Variants in SLC25A21 observed in about 807,000 individuals in gnomAD.
The protein encoded by SLC25A21 is mitochondrial 2-oxodicarboxylate carrier.
SLC25A21 carries 47 observed loss-of-function variants against 43.8 expected under a neutral mutation model. The ratio of observed to expected loss-of-function variants is 1.07; its 90% CI spans 0.85 to 1.37. SLC25A21 has a LOEUF of 1.37. SLC25A21 is among the 40% of genes most tolerant of loss of function. The probability of loss-of-function intolerance (pLI) is 0.00; values close to 1 mark genes in which losing one functional copy is unlikely to be tolerated. For missense variants in SLC25A21, 352 were observed against 350.2 expected, an observed-to-expected ratio of 1.00 and a Z score of -0.04; for synonymous variants, 131 against 121.3, an observed-to-expected ratio of 1.08 and a Z score of -0.52.
intron 1 of SLC25A21, among the ~76,000 whole-genome samples, chr14:37,028,247 G>C (rs1433005237): frequency 6.6e-6 from 1 of 151,490 alleles, no homozygotes; most frequent in East Asian, 2.1e-4. Context: ...AATAGTGGTT[G>C]AGAAGAAAAA....
Position 36,679,762 on chromosome 14 carries a change from G to A in SLC25A21, c.*896C>T. ...GCACAGGTAGGCATGCTGAATAAAG[G>A]TATTTGGATGCAAATACTGATGGCT... is the stretch of plus-strand genomic sequence containing the variant. On this transcript the variant is annotated 3_prime_UTR_variant, in exon 10 of 10. Transcript: ENST00000331299. 1.0e-6 allele frequency: 1 copy of A among 985,346 alleles called. No individual in the cohort carries two copies. Among genetic ancestry groups the A allele is most frequent in the Non-Finnish European group, 1.2e-6 (1 of 829,852 alleles). 61.0% of individuals were successfully genotyped at this position (985,346 alleles called of 1,614,324 possible).
chr14:37,108,739 G>GCA (rs1962964291), intron 1 of SLC25A21, among the ~76,000 whole-genome samples: 2 of 128,524 alleles, frequency 1.6e-5, no homozygotes, highest in African/African-American at 2.8e-5. Flanking sequence ...GTGTGTGTGT[G>GCA]CGTGTGTGTG....
At chr14:36,724,203 C>A (rs1186467971) in intron 6 of SLC25A21, among the ~76,000 whole-genome samples, 1 of 152,188 alleles carries the variant, frequency 6.6e-6, no homozygotes, top group Admixed American at 6.5e-5. Flanking sequence ...TTAAGACAAT[C>A]TTTTGAAATG....
intron 1 of SLC25A21, among the ~76,000 whole-genome samples, chr14:36,974,266 C>T (rs1237631616): frequency 6.6e-6 from 1 of 152,204 alleles, no homozygotes. Context: ...ATTGTTTCCA[C>T]ACAAAATCAG....
chr14:36,684,142 A>T (rs1280918418), intron 8 of SLC25A21, among the ~76,000 whole-genome samples: 1 of 152,162 alleles, frequency 6.6e-6, no homozygotes, highest in Non-Finnish European at 1.5e-5. Context: ...TGCTTTCAAG[A>T]CAGGTCTTAC....
intron 2 of SLC25A21, among the ~76,000 whole-genome samples, chr14:36,859,539 G>A (rs1395313310): frequency 6.6e-6 from 1 of 152,164 alleles, no homozygotes; most frequent in Non-Finnish European, 1.5e-5. Flanking sequence ...GGAGTTAAGA[G>A]GCTTGAACCT....
At chr14:36,793,119 A>T (rs1887550725) in intron 3 of SLC25A21, among the ~76,000 whole-genome samples, 1 of 152,196 alleles carries the variant, frequency 6.6e-6, no homozygotes, top group Non-Finnish European at 1.5e-5. Context: ...ATAGGTGCAC[A>T]TGTTTAGTAC....
chr14:36,691,850 A>C (rs1882808177), intron 7 of SLC25A21, among the ~76,000 whole-genome samples: 2 of 152,372 alleles, frequency 1.3e-5, no homozygotes, highest in Admixed American at 1.3e-4. Flanking sequence ...TTTTTCTTAT[A>C]AATCATGTGA....
In SLC25A21 at chr14:36,725,655, C is replaced by T. The variant is rs770762500; in HGVS notation, c.353G>A (p.Gly118Glu). 2 of 1,596,642 alleles carry T rather than the reference C, an allele frequency of 1.3e-6. No homozygotes were observed. Among genetic ancestry groups the T allele is most frequent in the Non-Finnish European group, 1.7e-6 (2 of 1,171,938 alleles). ...TACAATGGCTTCTGTTAGTCCAGAT[C>T]CCAATCCAGCAATGGCGAATGTCTA... is the stretch of plus-strand genomic sequence containing the variant. ...PALTFAIAGL[G>E]SGLTEAIVVN... Residue 118 changes from glycine (G) to glutamate (E), a missense_variant, in exon 6 of 10, where the codon GGA becomes GAA. Transcript: ENST00000331299.
At chr14:37,105,510 G>A (rs778510710) in intron 1 of SLC25A21, among the ~76,000 whole-genome samples, 2 of 152,202 alleles carry the variant, frequency 1.3e-5, no homozygotes, top group Non-Finnish European at 2.9e-5. Context: ...AGCAAATTGC[G>A]GGAGATATGC....
chr14:36,683,787 C>A, intron 9 of SLC25A21, 41 bp downstream of exon 9: 1 of 1,432,758 alleles, frequency 7.0e-7, no homozygotes, highest in Non-Finnish European at 9.6e-7. Context: ...GACGCTAGAA[C>A]AATAAAGAAG....
At chr14:36,848,068 A>C (rs1209582687) in intron 2 of SLC25A21, among the ~76,000 whole-genome samples, 2 of 152,018 alleles carry the variant, frequency 1.3e-5, no homozygotes, top group Admixed American at 1.3e-4. Flanking sequence ...AGTGAGGGGG[A>C]GGGAAAAGTC....
At chr14:37,076,126 T>C (rs1962275519) in intron 1 of SLC25A21, among the ~76,000 whole-genome samples, 2 of 152,220 alleles carry the variant, frequency 1.3e-5, no homozygotes, top group Admixed American at 1.3e-4. Context: ...ACAGTCTTCA[T>C]ATGTAGAGGC....
intron 1 of SLC25A21, among the ~76,000 whole-genome samples, chr14:37,015,758 A>T (rs1412756770): frequency 6.6e-6 from 1 of 151,904 alleles, no homozygotes; most frequent in Admixed American, 6.6e-5. Flanking sequence ...ATGGTATCTC[A>T]TTGTGGTTTT....
At chr14:37,097,127 G>T (rs570390995) in intron 1 of SLC25A21, 1 of 151,438 alleles carries the variant, frequency 6.6e-6, no homozygotes, top group Non-Finnish European at 1.5e-5. Flanking sequence ...CTGAAACAAG[G>T]TCTTACTCTG....
intron 1 of SLC25A21, among the ~76,000 whole-genome samples, chr14:36,905,271 T>G (rs903517774): frequency 6.6e-6 from 1 of 152,188 alleles, no homozygotes; most frequent in African/African-American, 2.4e-5. Flanking sequence ...GAATAGGCTG[T>G]AGGAAGTTTT....
At chr14:36,720,596 AGCTGACTGAAAAG>A (rs1462166176) in intron 6 of SLC25A21, among the ~76,000 whole-genome samples, 1 of 152,250 alleles carries the variant, frequency 6.6e-6, no homozygotes, top group African/African-American at 2.4e-5. Context: ...CACAACTAGG[AGCTGACTGAAAAG>A]GCTGAAAATG....
At chr14:37,080,320 C>T (rs969881275) in intron 1 of SLC25A21, among the ~76,000 whole-genome samples, 29 of 152,156 alleles carry the variant, frequency 1.9e-4, no homozygotes, top group Admixed American at 3.3e-4. Context: ...CGGCCAAGAG[C>T]GGTGCCTCAT....
At chr14:36,907,448 AT>A (rs200037033) in intron 1 of SLC25A21, among the ~76,000 whole-genome samples, 3 of 152,062 alleles carry the variant, frequency 2.0e-5, no homozygotes, top group Admixed American at 6.6e-5. Context: ...GTGGATGCTT[AT>A]TTTTTTAAAA....
Sources: gnomAD v4.1 joint callset for allele counts (sites outside exome capture counted in the v4.1 genomes callset) on GRCh38, gnomAD v4.1.1 for gene constraint, MANE v1.5 for transcripts, NCBI Gene and HGNC (gene_info 2026-07-23, HGNC 2026-07-21) for gene names.